The following SEMA4F variants were observed in gnomAD, a reference collection of about 807,000 sequenced individuals.
The protein encoded by SEMA4F is semaphorin-4F.
A neutral mutation model predicts 78.4 loss-of-function variants in SEMA4F; 51 were observed. The observed-to-expected ratio is 0.65, with a 90% CI of 0.52 to 0.82. The LOEUF (loss-of-function observed/expected upper bound fraction) is 0.82, where lower values mean the gene tolerates loss of function less well. Ranked by LOEUF, SEMA4F falls within the 40% of genes least tolerant of loss-of-function variation. The probability of loss-of-function intolerance (pLI) is 0.00; values close to 1 mark genes in which losing one functional copy is unlikely to be tolerated. For missense variants in SEMA4F, 938 were observed against 1,014.4 expected (o/e 0.92, Z 1.02); for synonymous variants, 418 against 408.7 (o/e 1.02, Z -0.27).
chr2:74,673,011 G>T (rs537128081), intron 5 of SEMA4F, among the ~76,000 whole-genome samples: 1 of 152,218 alleles, frequency 6.6e-6, no homozygotes, highest in South Asian at 2.1e-4. Context: ...AGCAGTGTAC[G>T]CCCACTAATG....
the SEMA4F span, among the ~76,000 whole-genome samples, chr2:74,703,499 A>T: frequency 6.6e-6 from 1 of 152,216 alleles, no homozygotes; most frequent in Non-Finnish European, 1.5e-5. Flanking sequence ...GTTTTCTTCC[A>T]TCCTTCCTCC....
rs1685626975 is a variant in SEMA4F at position 74,681,671 on chromosome 2, T to TA, written c.*1463dup. Reference sequence around the variant, plus strand: ...TGTATTTGATGACATTGTCAGCTCTTACCAAACGTCAAGACCTCTTCCTGC... The same window carrying TA: ...TGTATTTGATGACATTGTCAGCTCTTAACCAAACGTCAAGACCTCTTCCTGC... On this transcript the variant is annotated 3_prime_UTR_variant, in exon 14 of 14. Transcript: ENST00000357877. 1 of 153,128 alleles carries TA rather than the reference T, an allele frequency of 6.5e-6. No individual in the cohort carries two copies. The highest frequency in any genetic ancestry group is 1.5e-5 in the Non-Finnish European group (1 of 68,186). 9.5% of individuals were successfully genotyped at this position (153,128 alleles called of 1,614,324 possible).
At chr2:74,666,803 AT>A (rs1684719789) in intron 5 of SEMA4F, among the ~76,000 whole-genome samples, 1 of 152,198 alleles carries the variant, frequency 6.6e-6, no homozygotes, top group East Asian at 1.9e-4. Context: ...TAATAGCAGT[AT>A]TTTGAAATGA....
intron 5 of SEMA4F, among the ~76,000 whole-genome samples, chr2:74,668,701 C>T (rs1380576823): frequency 6.6e-6 from 1 of 151,240 alleles, no homozygotes; most frequent in South Asian, 2.1e-4. Context: ...ACCTCCACCT[C>T]CTGGGTTCAA....
intron 1 of SEMA4F, chr2:74,655,166 C>G (rs529544960): frequency 1.6e-4 from 40 of 251,662 alleles, no homozygotes; most frequent in Admixed American, 6.2e-4. Flanking sequence ...ACTCTCTTAA[C>G]TTCCTCAGTG....
chr2:74,669,617 A>AC (rs1684875898), intron 5 of SEMA4F, among the ~76,000 whole-genome samples: 1 of 151,916 alleles, frequency 6.6e-6, no homozygotes, highest in African/African-American at 2.4e-5. Flanking sequence ...AACAACAACA[A>AC]AAACAAAAGG....
the SEMA4F span, among the ~76,000 whole-genome samples, chr2:74,688,969 A>G: frequency 6.6e-6 from 1 of 152,214 alleles, no homozygotes. Flanking sequence ...ACAAAAGTGA[A>G]TAAGACATAG....
rs1293646494 is a variant in SEMA4F, at chr2:74,654,385, C to G, written c.9C>G (p.Ala3=). ...GCCAGGCGGAGCCAAAGATGCCGGC[C>G]TCTGCTGCGCGGCCCCGCCCGGGTC... is the stretch of plus-strand genomic sequence containing the variant. The part of the protein sequence containing the change: MP[A]SAARPRPGPG... Residue 3 remains alanine (A), a synonymous_variant, in exon 1 of 14, where the codon GCC becomes GCG. Transcript: ENST00000357877. 2.6e-6 allele frequency: 4 copies of G among 1,511,538 alleles called. No individual in the cohort carries two copies. Among genetic ancestry groups the G allele is most frequent in the African/African-American group, 1.4e-5 (1 of 69,236 alleles). 93.6% of individuals were successfully genotyped at this position (1,511,538 alleles called of 1,614,324 possible).
At chr2:74,671,597 A>G (rs560092705) in intron 5 of SEMA4F, among the ~76,000 whole-genome samples, 1 of 152,238 alleles carries the variant, frequency 6.6e-6, no homozygotes, top group East Asian at 1.9e-4. Context: ...TATGACTTTC[A>G]TGTCATGACT....
downstream of SEMA4F, among the ~76,000 whole-genome samples, chr2:74,688,481 G>A (rs1422009832): frequency 6.6e-6 from 1 of 152,074 alleles, no homozygotes; most frequent in South Asian, 2.1e-4. Context: ...TCAGTAACAG[G>A]CTAACATTAC....
At chr2:74,702,381 A>G in the SEMA4F span, among the ~76,000 whole-genome samples, 1 of 133,792 alleles carries the variant, frequency 7.5e-6, no homozygotes, top group African/African-American at 2.6e-5. Context: ...AAAATTGCTC[A>G]TCAGCATCTA....
chr2:74,673,463 T>C lies in SEMA4F; in HGVS notation c.557T>C (p.Val186Ala). The change falls in exon 6 of 14, where the codon GTC (valine) becomes GCC (alanine). Residue 186 changes from valine (V) to alanine (A), a missense_variant. By Grantham distance (64) the Val-to-Ala change is moderately conservative (BLOSUM62 0). Transcript: ENST00000357877. The part of the protein sequence containing the change: ...QRSAAVMAGG[V>A]LYAATVKNYL... ...CCTCCCTGTCGCCCTGCAGGGGGGG[T>C]CCTCTATGCTGCCACTGTGAAAAAC... 1 of 1,611,896 alleles carries C rather than the reference T, an allele frequency of 6.2e-7. No homozygotes were observed. Among genetic ancestry groups the C allele is most frequent in the South Asian group, 1.1e-5 (1 of 90,890 alleles).
At chr2:74,686,394 C>T (rs1252118505), downstream of SEMA4F, among the ~76,000 whole-genome samples, 1 of 152,120 alleles carries the variant, frequency 6.6e-6, no homozygotes, top group Non-Finnish European at 1.5e-5. Flanking sequence ...CCACCATGCC[C>T]GGCCAAGAAA....
intron 12 of SEMA4F, among the ~76,000 whole-genome samples, chr2:74,677,135 C>T (rs1322311550): frequency 2.6e-5 from 4 of 152,162 alleles, no homozygotes; most frequent in Non-Finnish European, 5.9e-5. Context: ...CTCCTGACCT[C>T]AAGCAATCCA....
intron 5 of SEMA4F, among the ~76,000 whole-genome samples, chr2:74,670,487 T>C (rs1684929668): frequency 6.6e-6 from 1 of 152,234 alleles, no homozygotes; most frequent in Admixed American, 6.5e-5. Context: ...CCAGTGTTGC[T>C]GACTCCCACA....
In SEMA4F at chr2:74,657,946, G is replaced by A. The variant is rs750507985; in HGVS notation, c.451G>A (p.Val151Ile). The change falls in exon 4 of 14, where the codon GTT becomes ATT. Residue 151 changes from valine to isoleucine, a missense_variant. By Grantham distance (29) the Val-to-Ile change is conservative. Transcript: ENST00000357877. The stretch of plus-strand genomic sequence containing the variant: ...CTTCGCTTTTGATCCGAAGTGCGGG[G>A]TTATTGTGAGTGACGGTGTGGGAGG... ...GTFAFDPKCGVIDVSRFQQVE... is the reference protein window; with the variant it reads ...GTFAFDPKCGIIDVSRFQQVE... 2.5e-6 allele frequency: 4 copies of A among 1,613,878 alleles called. No homozygotes were observed. The highest frequency in any genetic ancestry group is 1.1e-5 in the South Asian group (1 of 91,082).
At chr2:74,675,932 C>T in intron 12 of SEMA4F, 23 bp downstream of exon 12, 1 of 1,597,026 alleles carries the variant, frequency 6.3e-7, no homozygotes. Context: ...GCCTGGATTT[C>T]TTGCTTACTG....
intron 12 of SEMA4F, among the ~76,000 whole-genome samples, chr2:74,678,752 AG>A (rs1265979586): frequency 2.0e-5 from 3 of 152,188 alleles, no homozygotes; most frequent in African/African-American, 7.2e-5. Context: ...AATAACACAT[AG>A]GCCAGTATAT....
chr2:74,686,676 C>G (rs1006884647), downstream of SEMA4F, among the ~76,000 whole-genome samples: 2 of 152,228 alleles, frequency 1.3e-5, no homozygotes, highest in Non-Finnish European at 2.9e-5. Context: ...GGCACATATA[C>G]ACCATGGAAT....
Sources: allele counts gnomAD v4.1 joint callset (sites outside exome capture counted in the v4.1 genomes callset), GRCh38; gene constraint gnomAD v4.1.1; transcripts MANE v1.5; gene names NCBI Gene and HGNC (gene_info 2026-07-23, HGNC 2026-07-21).